PTK2: variants seen among roughly 807,000 people sequenced by gnomAD.
The protein encoded by PTK2 is protein tyrosine kinase 2, also known as focal adhesion kinase 1.
PTK2 carries 45 observed loss-of-function variants against 150.1 expected under a neutral mutation model. The observed-to-expected ratio is 0.30, with a 90% CI of 0.24 to 0.38. The LOEUF is 0.38. PTK2 is among the 10% of genes least tolerant of loss of function. The pLI is 1.00. For missense variants in PTK2, 919 were observed against 1,307.3 expected (o/e 0.70, Z 4.58); for synonymous variants, 432 against 449.2 (o/e 0.96, Z 0.48).
At chr8:140,719,110 A>T (rs2100041365) in intron 22 of PTK2, among the ~76,000 whole-genome samples, 1 of 152,088 alleles carries the variant, frequency 6.6e-6, no homozygotes, top group South Asian at 2.1e-4. Context: ...CAGGAGGCGG[A>T]GGTTGGGGTG....
At chr8:140,767,883 G>A (rs2100073269) in intron 14 of PTK2, among the ~76,000 whole-genome samples, 1 of 152,014 alleles carries the variant, frequency 6.6e-6, no homozygotes, top group Non-Finnish European at 1.5e-5. Flanking sequence ...CATATTCAAG[G>A]GCCCTAAAAA....
At chr8:140,821,602 G>C (rs930113987) in intron 8 of PTK2, 5 of 152,246 alleles carry the variant, frequency 3.3e-5, no homozygotes, top group African/African-American at 1.2e-4. Flanking sequence ...GCTCAGGAGA[G>C]GGCAGCACTG....
chr8:140,919,395 T>G (rs2100166547), intron 2 of PTK2, among the ~76,000 whole-genome samples: 1 of 152,254 alleles, frequency 6.6e-6, no homozygotes, highest in Non-Finnish European at 1.5e-5. Flanking sequence ...TATAATCTCT[T>G]TTCTTCCAAA....
intron 23 of PTK2, among the ~76,000 whole-genome samples, chr8:140,709,624 C>T (rs761983411): frequency 1.6e-4 from 25 of 152,028 alleles, no homozygotes; most frequent in Admixed American, 1.2e-3. Flanking sequence ...CTGGAGCTGC[C>T]GTGAAGATTA....
chr8:140,904,153 T>G (rs1264812518), intron 2 of PTK2, among the ~76,000 whole-genome samples: 4 of 152,228 alleles, frequency 2.6e-5, no homozygotes, highest in African/African-American at 7.2e-5. Flanking sequence ...TAAATAGCTC[T>G]TATTATTTTG....
chr8:140,684,684 A>G (rs992104469), intron 27 of PTK2, among the ~76,000 whole-genome samples: 5 of 152,234 alleles, frequency 3.3e-5, no homozygotes, highest in African/African-American at 1.2e-4. Flanking sequence ...TAAGAATTAC[A>G]AAACACTGCT....
At chr8:140,937,186 T>C (rs9644449) in intron 1 of PTK2, among the ~76,000 whole-genome samples, 63,480 of 152,026 alleles carry the variant, frequency 0.42, 15,186 homozygotes, top group Non-Finnish European at 0.55. Context: ...TTTAAGAACA[T>C]CCATTTTTTA....
chr8:140,830,680 A>G (rs973484692), intron 7 of PTK2, among the ~76,000 whole-genome samples, 154 bp from the exon 8 acceptor site: 1 of 152,222 alleles, frequency 6.6e-6, no homozygotes, highest in Non-Finnish European at 1.5e-5. Flanking sequence ...TTACCAGTAT[A>G]TTCACAGGAA....
At chr8:140,761,595 A>G (rs550235239) in intron 15 of PTK2, among the ~76,000 whole-genome samples, 91 of 152,274 alleles carry the variant, frequency 6.0e-4, no homozygotes, top group African/African-American at 1.9e-3. Context: ...TTATATGCTT[A>G]ACTATTAAGA....
chr8:140,681,471 T>A (rs2153583852), intron 27 of PTK2, among the ~76,000 whole-genome samples: 1 of 151,264 alleles, frequency 6.6e-6, no homozygotes, highest in South Asian at 2.1e-4. Flanking sequence ...TTGAAGAAAC[T>A]AATGTGTAAC....
chr8:140,878,913 G>T (rs971175127), intron 4 of PTK2, among the ~76,000 whole-genome samples: 2 of 151,084 alleles, frequency 1.3e-5, no homozygotes, highest in South Asian at 2.1e-4. Context: ...CTTTTAATTT[G>T]CCCTGAAATA....
intron 4 of PTK2, among the ~76,000 whole-genome samples, chr8:140,867,360 T>C (rs1002986375): frequency 6.6e-6 from 1 of 152,208 alleles, no homozygotes; most frequent in African/African-American, 2.4e-5. Context: ...TTTAGGGAAT[T>C]ACATAATCTT....
intron 26 of PTK2, among the ~76,000 whole-genome samples, chr8:140,688,204 C>T (rs1366920495): frequency 6.6e-6 from 1 of 152,150 alleles, no homozygotes; most frequent in African/African-American, 2.4e-5. Context: ...AAAGTCACAA[C>T]TTACTTATCT....
intron 23 of PTK2, among the ~76,000 whole-genome samples, chr8:140,711,402 C>T (rs543613893): frequency 7.9e-4 from 120 of 152,280 alleles, no homozygotes; most frequent in Non-Finnish European, 1.4e-3. Context: ...CCACCATGCC[C>T]GGCCCCCGCA....
At chr8:140,939,319 A>G (rs1372209645) in intron 1 of PTK2, among the ~76,000 whole-genome samples, 1 of 152,260 alleles carries the variant, frequency 6.6e-6, no homozygotes, top group Non-Finnish European at 1.5e-5. Context: ...ATTAATGACA[A>G]GCATACATAA....
At chr8:140,888,493 C>T (rs1454944245) in intron 3 of PTK2, among the ~76,000 whole-genome samples, 2 of 152,146 alleles carry the variant, frequency 1.3e-5, no homozygotes, top group East Asian at 1.9e-4. Flanking sequence ...AAATAAAACA[C>T]GTTGTTTGTG....
intron 1 of PTK2, among the ~76,000 whole-genome samples, chr8:140,937,759 TA>T (rs2100174178): frequency 6.6e-6 from 1 of 152,150 alleles, no homozygotes; most frequent in Non-Finnish European, 1.5e-5. Context: ...GTACAACACA[TA>T]TTTACTACAA....
chr8:140,692,240 G>A (rs2100023580), intron 26 of PTK2, among the ~76,000 whole-genome samples: 1 of 152,126 alleles, frequency 6.6e-6, no homozygotes, highest in South Asian at 2.1e-4. Flanking sequence ...TCTTTTCATA[G>A]AGCATACACG....
Position 140,853,354 on chromosome 8 carries a change from C to T in PTK2, c.451-6676G>A, listed in dbSNP as rs1367014608. ...ATCCCTCCCCCCTCCCCCCACCCCA[C>T]GACAGGCCCCAGTGTGTGATGTTCC... On this transcript the variant is annotated intron_variant, in intron 5 of 31. Coordinates refer to ENST00000522684, the Ensembl canonical transcript of PTK2. Among the ~76,000 whole-genome samples the T allele has an allele frequency of 3.7e-5, 4 of 106,846 alleles. No homozygotes were observed. In the South Asian group the frequency reaches 1.3e-3, roughly 34 times the overall value. 70.1% of individuals were successfully genotyped at this position (106,846 alleles called of 152,430 possible).
Sources: gnomAD v4.1 joint callset for allele counts (sites outside exome capture counted in the v4.1 genomes callset) on GRCh38, gnomAD v4.1.1 for gene constraint, MANE v1.5 for transcripts, NCBI Gene and HGNC (gene_info 2026-07-23, HGNC 2026-07-21) for gene names.